The following SLC39A11 variants were observed in gnomAD, a reference collection of about 807,000 sequenced individuals.
SLC39A11 encodes solute carrier family 39 member 11, also known as zinc transporter ZIP11.
Under a neutral mutation model 36.1 loss-of-function variants are expected in SLC39A11, and 33 were observed. The ratio of observed to expected loss-of-function variants is 0.91; its 90% CI spans 0.69 to 1.22. The LOEUF is 1.22. Among genes scored for constraint, SLC39A11 ranks in the 50% most tolerant of loss-of-function variants. The pLI is 0.00. For missense variants in SLC39A11, 432 were observed against 430.3 expected, an observed-to-expected ratio of 1.00 and a Z score of -0.03; for synonymous variants, 166 against 170.3, an observed-to-expected ratio of 0.97 and a Z score of 0.20.
intron 3 of SLC39A11, among the ~76,000 whole-genome samples, chr17:73,079,904 AAAT>A (rs976778383): frequency 1.3e-5 from 2 of 152,116 alleles, no homozygotes; most frequent in Admixed American, 6.6e-5. Flanking sequence ...AATAGCTGCA[AAAT>A]AATAATAATA....
At chr17:72,920,700 C>T (rs1292655064) in intron 5 of SLC39A11, among the ~76,000 whole-genome samples, 1 of 139,978 alleles carries the variant, frequency 7.1e-6, no homozygotes, top group Non-Finnish European at 1.5e-5. Context: ...ACAACACCTA[C>T]ACCCCATACA....
intron 5 of SLC39A11, among the ~76,000 whole-genome samples, chr17:72,938,337 G>A (rs1395148412): frequency 7.2e-5 from 11 of 152,116 alleles, no homozygotes; most frequent in African/African-American, 1.7e-4. Context: ...TGTACTTCAC[G>A]CAGGTTCAAA....
intron 1 of SLC39A11, among the ~76,000 whole-genome samples, chr17:73,091,538 G>GGCAAGA (rs2060923251): frequency 6.6e-6 from 1 of 152,204 alleles, no homozygotes; most frequent in Admixed American, 6.5e-5. Context: ...ATGTGGGATT[G>GGCAAGA]GCAAGAGCAA....
At chr17:73,049,744 C>T (rs953545970) in intron 3 of SLC39A11, among the ~76,000 whole-genome samples, 2 of 152,184 alleles carry the variant, frequency 1.3e-5, no homozygotes, top group Non-Finnish European at 2.9e-5. Context: ...CTGAGAGGGG[C>T]TTCCACTCCA....
chr17:73,004,119 A>AG (rs1568104702), intron 4 of SLC39A11, among the ~76,000 whole-genome samples: 45 of 148,934 alleles, frequency 3.0e-4, no homozygotes, highest in Admixed American at 2.7e-4. Context: ...AGAGAGAGAG[A>AG]AAGAAAGAAA....
intron 5 of SLC39A11, among the ~76,000 whole-genome samples, chr17:72,899,590 AG>A: frequency 6.6e-6 from 1 of 152,318 alleles, no homozygotes. Context: ...TCAGGATTAT[AG>A]CAATGGGCAA....
At chr17:72,971,450 G>A (rs1276806364) in intron 4 of SLC39A11, among the ~76,000 whole-genome samples, 3 of 152,020 alleles carry the variant, frequency 2.0e-5, no homozygotes, top group Admixed American at 6.6e-5. Context: ...AGCGCCCCCC[G>A]ATTTTAATGA....
At chr17:72,727,317 G>A (rs1598465304) in intron 7 of SLC39A11, among the ~76,000 whole-genome samples, 1 of 152,158 alleles carries the variant, frequency 6.6e-6, no homozygotes, top group African/African-American at 2.4e-5. Flanking sequence ...GAATTCCTCT[G>A]TGATTGAAAC....
chr17:72,688,202 C>A (rs563637475), intron 7 of SLC39A11, among the ~76,000 whole-genome samples: 33 of 152,350 alleles, frequency 2.2e-4, no homozygotes, highest in African/African-American at 7.0e-4. Flanking sequence ...CTGTACTTTG[C>A]AGGCACCCGG....
chr17:73,023,937 G>A (rs1360864737), intron 4 of SLC39A11, among the ~76,000 whole-genome samples: 1 of 152,236 alleles, frequency 6.6e-6, no homozygotes, highest in African/African-American at 2.4e-5. Context: ...CCATCTGCAA[G>A]CCAAGTGGAG....
At chr17:72,871,437 G>T (rs1188226958) in intron 5 of SLC39A11, among the ~76,000 whole-genome samples, 2 of 152,164 alleles carry the variant, frequency 1.3e-5, no homozygotes, top group African/African-American at 2.4e-5. Flanking sequence ...AGGATGGGGG[G>T]CGCTGTTTGC....
At chr17:72,781,545 T>C (rs2144878670) in intron 6 of SLC39A11, among the ~76,000 whole-genome samples, 1 of 152,180 alleles carries the variant, frequency 6.6e-6, no homozygotes, top group Non-Finnish European at 1.5e-5. Flanking sequence ...TGCCTCAGCC[T>C]CCCGAGTGGC....
At chr17:72,837,360 CAAAAA>C (rs34639176) in intron 6 of SLC39A11, among the ~76,000 whole-genome samples, 3 of 91,134 alleles carry the variant, frequency 3.3e-5, no homozygotes, top group Non-Finnish European at 4.4e-5. Flanking sequence ...GTATATTGCT[CAAAAA>C]AAAAAAAAAA....
rs772844911 is a variant in SLC39A11 at position 72,716,980 on chromosome 17, AATAT to A, written c.671+19666_671+19669del. On this transcript the variant is annotated intron_variant, in intron 7 of 9. Transcript: ENST00000255559. ...GGAGACCCTGTCTCAAAAAAAAAAA[AATAT>A]ATATATATACACACACACACACACA... 4.2e-4 allele frequency among the ~76,000 whole-genome samples: 55 copies of A among 130,480 alleles called. 2 individuals carry two copies. Among genetic ancestry groups the A allele is most frequent in the African/African-American group, 1.6e-3 (52 of 32,908 alleles). 85.6% of individuals were successfully genotyped at this position (130,480 alleles called of 152,430 possible).
Position 72,967,336 on chromosome 17 carries a change from C to A in SLC39A11, c.307-19461G>T, listed in dbSNP as rs569779765. On this transcript the variant is annotated intron_variant, in intron 4 of 9. Transcript: ENST00000255559. ...TATACCTTTTTATTATAAGAAAACA[C>A]CCTCATGAGAAGAAAATGCTATATA... Among the ~76,000 whole-genome samples, 24 of 147,126 alleles carry A rather than the reference C, an allele frequency of 1.6e-4. No homozygotes were observed. The South Asian group carries it at 5.3e-3, about 32-fold the overall frequency.
intron 5 of SLC39A11, among the ~76,000 whole-genome samples, chr17:72,922,110 C>T (rs897988540): frequency 1.3e-5 from 2 of 152,150 alleles, no homozygotes; most frequent in African/African-American, 4.8e-5. Flanking sequence ...GCTCCCACAT[C>T]GGCAGACCTT....
intron 6 of SLC39A11, among the ~76,000 whole-genome samples, chr17:72,753,958 T>C (rs1247667002): frequency 7.1e-6 from 1 of 141,618 alleles, no homozygotes; most frequent in Non-Finnish European, 1.5e-5. Context: ...TGCAAAAATG[T>C]GGAAACAGCC....
chr17:72,838,170 T>G, intron 6 of SLC39A11: 1 of 400,020 alleles, frequency 2.5e-6, no homozygotes, highest in Non-Finnish European at 4.4e-6. Context: ...TGATGGTGGT[T>G]GCACAACCTT....
At chr17:72,698,301 C>T (rs539260798) in intron 7 of SLC39A11, among the ~76,000 whole-genome samples, 5 of 152,234 alleles carry the variant, frequency 3.3e-5, no homozygotes, top group South Asian at 4.1e-4. Context: ...CAGAACTAAA[C>T]TGATGTGGTT....
Sources: allele counts gnomAD v4.1 joint callset (sites outside exome capture counted in the v4.1 genomes callset), GRCh38; gene constraint gnomAD v4.1.1; transcripts MANE v1.5; gene names NCBI Gene and HGNC (gene_info 2026-07-23, HGNC 2026-07-21).